The following FERMT2 variants were observed in gnomAD, a reference collection of about 807,000 sequenced individuals.
FERMT2 encodes the protein FERM domain containing kindlin 2.
In FERMT2, 15 loss-of-function variants were observed where a neutral mutation model predicts 82.7. That is an observed-to-expected ratio of 0.18 (90% CI 0.12 to 0.28). The LOEUF is 0.28. Among genes scored for constraint, FERMT2 ranks in the 10% least tolerant of loss-of-function variants. FERMT2 has a pLI of 1.00. For missense variants in FERMT2, 645 were observed against 809.4 expected (o/e 0.80, Z 2.46); for synonymous variants, 274 against 271.5 (o/e 1.01, Z -0.09).
chr14:52,935,566 C>T (rs752134329), intron 2 of FERMT2, among the ~76,000 whole-genome samples: 7 of 152,136 alleles, frequency 4.6e-5, no homozygotes, highest in Non-Finnish European at 7.4e-5. Context: ...TGTGAGGAAA[C>T]CAGGAATAGG....
chr14:52,943,717 T>C (rs978854721), intron 2 of FERMT2, among the ~76,000 whole-genome samples: 2 of 152,210 alleles, frequency 1.3e-5, no homozygotes, highest in African/African-American at 2.4e-5. Context: ...TGTATGTTTG[T>C]GTGTATAGAA....
chr14:52,928,139 G>C, intron 2 of FERMT2: 1 of 237,028 alleles, frequency 4.2e-6, no homozygotes, highest in East Asian at 8.8e-5. Context: ...TATTTTTAAA[G>C]TACTAATTCA....
chr14:52,872,887 A>G lies in FERMT2; in HGVS notation c.1185T>C (p.Tyr395=). 6.2e-7 allele frequency: 1 copy of G among 1,613,918 alleles called. No homozygotes were observed. Among genetic ancestry groups the G allele is most frequent in the East Asian group, 2.2e-5 (1 of 44,882 alleles). Residue 395 remains tyrosine, a synonymous_variant, in exon 10 of 15, where the codon TAT becomes TAC. Coordinates refer to ENST00000341590, the MANE Select transcript of FERMT2 (RefSeq NM_006832.3). The part of the protein sequence containing the change: ...KKLTLKGYKQ[Y]WCTFKDTSIS... ...TGGATGTGTCTTTGAAGGTGCACCA[A>G]TATTGTTTGTAACCTTTCAGAGTCA...
intron 2 of FERMT2, among the ~76,000 whole-genome samples, chr14:52,933,336 T>C (rs948779992): frequency 6.6e-6 from 1 of 152,164 alleles, no homozygotes; most frequent in African/African-American, 2.4e-5. Context: ...TGAATTACTA[T>C]AACACCATTT....
chr14:52,924,604 T>C (rs1290080377), intron 2 of FERMT2, among the ~76,000 whole-genome samples: 2 of 152,174 alleles, frequency 1.3e-5, no homozygotes, highest in East Asian at 1.9e-4. Flanking sequence ...CAAGAGAGTG[T>C]GCAAGAAGTT....
intron 6 of FERMT2, among the ~76,000 whole-genome samples, chr14:52,879,395 T>G (rs1265611369): frequency 6.6e-6 from 1 of 152,184 alleles, no homozygotes; most frequent in African/African-American, 2.4e-5. Flanking sequence ...ATTATACCAG[T>G]TGAGTGTCCC....
At chr14:52,905,528 G>C (rs1887954661) in intron 3 of FERMT2, among the ~76,000 whole-genome samples, 1 of 152,214 alleles carries the variant, frequency 6.6e-6, no homozygotes, top group East Asian at 1.9e-4. Context: ...AGCAGGAAGA[G>C]GTGGTGGCGA....
intron 2 of FERMT2, among the ~76,000 whole-genome samples, chr14:52,942,744 G>GT: frequency 6.6e-6 from 1 of 152,284 alleles, no homozygotes; most frequent in East Asian, 1.9e-4. Context: ...TAGGCAACCT[G>GT]TTATTTCTTA....
At chr14:52,930,330 G>C (rs944342361) in intron 2 of FERMT2, among the ~76,000 whole-genome samples, 1 of 152,168 alleles carries the variant, frequency 6.6e-6, no homozygotes, top group African/African-American at 2.4e-5. Context: ...TGAGAATTCA[G>C]ATTCATCACA....
intron 2 of FERMT2, among the ~76,000 whole-genome samples, chr14:52,942,005 T>C (rs1890107859): frequency 1.3e-5 from 2 of 152,174 alleles, no homozygotes; most frequent in South Asian, 4.1e-4. Context: ...ACAGCTATTT[T>C]TTCTTGTTGT....
In FERMT2 at chr14:52,949,382, AAAAAAAAG is replaced by A. The variant is rs1205349220; in HGVS notation, c.157+1022_157+1029del. ...CTTGAAAACGAATGCTGTGTTTAAA[AAAAAAAAG>A]AAAAAAAAAAAGACGAAAAAAACCC... On this transcript the variant is annotated intron_variant, in intron 2 of 14. Coordinates refer to ENST00000341590, the MANE Select transcript of FERMT2 (RefSeq NM_006832.3). Among the ~76,000 whole-genome samples the A allele has an allele frequency of 9.7e-5, 14 of 144,308 alleles. No individual in the cohort carries two copies. The South Asian group carries it at 1.8e-3, about 19-fold the overall frequency. The allele number at this position is 144,308 out of a possible 152,430, so 94.7% of individuals were successfully genotyped here. A position where few individuals can be genotyped will look rare whatever the true frequency, so the allele number is the denominator to read the frequency against.
At chr14:52,926,381 T>C (rs1358910325) in intron 2 of FERMT2, among the ~76,000 whole-genome samples, 1 of 151,152 alleles carries the variant, frequency 6.6e-6, no homozygotes, top group Admixed American at 6.6e-5. Context: ...ATGGCAGGCT[T>C]GGTATTTCAA....
chr14:52,880,676 C>T (rs190960615), intron 6 of FERMT2, among the ~76,000 whole-genome samples: 113 of 152,144 alleles, frequency 7.4e-4, no homozygotes, highest in African/African-American at 2.6e-3. Flanking sequence ...AGATTACAGG[C>T]GTTGAGCCAC....
intron 10 of FERMT2, among the ~76,000 whole-genome samples, chr14:52,868,656 A>T (rs1290732441): frequency 6.6e-6 from 1 of 152,206 alleles, no homozygotes; most frequent in African/African-American, 2.4e-5. Flanking sequence ...TCTCAGAAGA[A>T]GATACTATAG....
At chr14:52,930,977 G>C (rs1320610538) in intron 2 of FERMT2, among the ~76,000 whole-genome samples, 1 of 151,930 alleles carries the variant, frequency 6.6e-6, no homozygotes, top group Non-Finnish European at 1.5e-5. Context: ...CTTCTCTTTC[G>C]ATTTTAGAGT....
chr14:52,875,404 C>T (rs377384406), intron 7 of FERMT2, 47 bp from the exon 8 acceptor site: 29 of 1,393,648 alleles, frequency 2.1e-5, no homozygotes, highest in African/African-American at 4.4e-5. Flanking sequence ...AACTGTAAAA[C>T]TCTAAAATGA....
intron 2 of FERMT2, among the ~76,000 whole-genome samples, chr14:52,932,225 T>C (rs1157650665): frequency 2.6e-5 from 4 of 152,200 alleles, no homozygotes; most frequent in East Asian, 3.8e-4. Flanking sequence ...TTAAATTACA[T>C]GCCATTAGCC....
At chr14:52,928,124 T>C (rs1381999696) in intron 2 of FERMT2, 2 of 249,706 alleles carry the variant, frequency 8.0e-6, no homozygotes, top group African/African-American at 2.2e-5. Flanking sequence ...AAATTTCTAG[T>C]TGCATATTTT....
At chr14:52,940,835 A>T (rs1200858036) in intron 2 of FERMT2, among the ~76,000 whole-genome samples, 6 of 152,224 alleles carry the variant, frequency 3.9e-5, no homozygotes, top group African/African-American at 1.4e-4. Flanking sequence ...TTCTGACAGT[A>T]ACAAGGGTAG....
Sources: allele counts gnomAD v4.1 joint callset (sites outside exome capture counted in the v4.1 genomes callset), GRCh38; gene constraint gnomAD v4.1.1; transcripts MANE v1.5; gene names NCBI Gene and HGNC (gene_info 2026-07-23, HGNC 2026-07-21).